Variants in TYW1B observed in about 807,000 individuals in gnomAD.
TYW1B encodes the protein tRNA-yW synthesizing protein 1 homolog B, also known as S-adenosyl-L-methionine-dependent tRNA 4-demethylwyosine synthase TYW1B.
Under a neutral mutation model 86.9 loss-of-function variants are expected in TYW1B, and 73 were observed. The observed-to-expected ratio is 0.84, with a 90% CI of 0.70 to 1.02. TYW1B has a LOEUF of 1.02. TYW1B is among the 50% of genes least tolerant of loss of function. The probability of loss-of-function intolerance (pLI) is 0.00; values close to 1 mark genes in which losing one functional copy is unlikely to be tolerated. For synonymous variants in TYW1B, 248 were observed against 292.8 expected (o/e 0.85, Z 1.56); for missense variants, 637 against 827.4 (o/e 0.77, Z 2.82).
At chr7:72,597,339 C>A (rs1168323646) in intron 13 of TYW1B, among the ~76,000 whole-genome samples, 1 of 151,914 alleles carries the variant, frequency 6.6e-6, no homozygotes, top group African/African-American at 2.4e-5. Flanking sequence ...AAAGTTATGG[C>A]CCCAAATGTC....
At chr7:72,824,305 A>C (rs1788890258) in intron 2 of TYW1B, among the ~76,000 whole-genome samples, 1 of 152,146 alleles carries the variant, frequency 6.6e-6, no homozygotes, top group Non-Finnish European at 1.5e-5. Context: ...GAAAGCACTA[A>C]CTACCTGTGA....
Position 72,749,087 on chromosome 7 carries a change from T to G in TYW1B, c.965-4486A>C, listed in dbSNP as rs562235509. On this transcript the variant is annotated intron_variant, in intron 7 of 13. Transcript: ENST00000620995. The stretch of plus-strand genomic sequence containing the variant: ...ATTTCACTTTGGGGAGGCTTTTAAT[T>G]ACAAAATCAGTTTCTTCAATGATTA... Among the ~76,000 whole-genome samples, 348 of 152,308 alleles carry G rather than the reference T, an allele frequency of 2.3e-3. 2 individuals carry two copies. Among genetic ancestry groups the G allele is most frequent in the Non-Finnish European group, 4.5e-3 (304 of 68,014 alleles).
intron 11 of TYW1B, among the ~76,000 whole-genome samples, chr7:72,651,400 T>G (rs1224781687): frequency 6.6e-6 from 1 of 152,130 alleles, no homozygotes; most frequent in African/African-American, 2.4e-5. Context: ...GGCAGATCAC[T>G]TGAGGTCAGG....
chr7:72,722,843 G>A (rs1554457838), intron 9 of TYW1B: 1 of 551,538 alleles, frequency 1.8e-6, no homozygotes, highest in African/African-American at 2.0e-5. Context: ...AGAAAGCAAA[G>A]GACTCTCCAA....
At chr7:72,785,045 C>T (rs144960591) in intron 6 of TYW1B, among the ~76,000 whole-genome samples, 1,809 of 151,964 alleles carry the variant, frequency 0.012, 61 homozygotes, top group Admixed American at 0.071. Flanking sequence ...AAACATGCCA[C>T]CCCTAACACC....
chr7:72,677,918 T>C (rs1328140010), intron 11 of TYW1B, among the ~76,000 whole-genome samples: 5 of 152,020 alleles, frequency 3.3e-5, no homozygotes, highest in Non-Finnish European at 7.4e-5. Flanking sequence ...TCCAGGCTGG[T>C]CTTGAACTCC....
At chr7:72,766,975 C>T (rs1353775804) in intron 7 of TYW1B, among the ~76,000 whole-genome samples, 1 of 151,930 alleles carries the variant, frequency 6.6e-6, no homozygotes, top group Non-Finnish European at 1.5e-5. Flanking sequence ...ATCAGTCATG[C>T]TTTCTGAAAA....
intron 10 of TYW1B, among the ~76,000 whole-genome samples, chr7:72,702,358 G>GT (rs1353525969): frequency 6.6e-6 from 1 of 152,058 alleles, no homozygotes; most frequent in Non-Finnish European, 1.5e-5. Flanking sequence ...CGGGCTGCTG[G>GT]TTTTTACCGT....
chr7:72,818,845 C>T (rs1284426619), intron 2 of TYW1B, among the ~76,000 whole-genome samples: 4 of 151,974 alleles, frequency 2.6e-5, no homozygotes, highest in African/African-American at 9.7e-5. Context: ...CTCACTGTCA[C>T]GAGGACGGTA....
intron 11 of TYW1B, among the ~76,000 whole-genome samples, chr7:72,635,501 G>A (rs553038630): frequency 2.6e-5 from 4 of 152,186 alleles, no homozygotes; most frequent in East Asian, 1.9e-4. Flanking sequence ...TACAATGCAC[G>A]GGACAGTCTC....
At chr7:72,691,873 T>C (rs1814171255) in intron 11 of TYW1B, among the ~76,000 whole-genome samples, 1 of 152,114 alleles carries the variant, frequency 6.6e-6, no homozygotes, top group African/African-American at 2.4e-5. Context: ...ACACATATAG[T>C]ACTTTACAAA....
At chr7:72,749,555 G>A (rs1422922436) in intron 7 of TYW1B, among the ~76,000 whole-genome samples, 2 of 152,156 alleles carry the variant, frequency 1.3e-5, no homozygotes, top group Non-Finnish European at 2.9e-5. Flanking sequence ...GCCTCCCAAA[G>A]TGCTGGGATT....
chr7:72,777,836 A>G (rs1381396293), intron 6 of TYW1B, among the ~76,000 whole-genome samples: 1 of 152,170 alleles, frequency 6.6e-6, no homozygotes, highest in Non-Finnish European at 1.5e-5. Context: ...GAATCGCTTG[A>G]ACCCGGAAGG....
At chr7:72,768,503 G>A (rs34523541) in intron 7 of TYW1B, among the ~76,000 whole-genome samples, 8,538 of 152,092 alleles carry the variant, frequency 0.056, 560 homozygotes, top group East Asian at 0.33. Context: ...AATCAAACCT[G>A]TAGGCCAGGC....
At chr7:72,648,393 A>C (rs1322732430) in intron 11 of TYW1B, among the ~76,000 whole-genome samples, 4 of 151,994 alleles carry the variant, frequency 2.6e-5, no homozygotes, top group African/African-American at 9.7e-5. Flanking sequence ...AAATACAAAA[A>C]TTAGCTGGAC....
chr7:72,599,166 G>A (rs1811601389), intron 13 of TYW1B, among the ~76,000 whole-genome samples: 1 of 152,104 alleles, frequency 6.6e-6, no homozygotes, highest in South Asian at 2.1e-4. Context: ...ATCCAACAAT[G>A]TATCAAAAGA....
At chr7:72,619,765 A>G (rs1451828644) in intron 12 of TYW1B, among the ~76,000 whole-genome samples, 1 of 152,042 alleles carries the variant, frequency 6.6e-6, no homozygotes, top group East Asian at 1.9e-4. Flanking sequence ...ATAAAAGTGT[A>G]CTCTATCTCA....
chr7:72,596,315 A>AT (rs1811532023), intron 13 of TYW1B, among the ~76,000 whole-genome samples: 2 of 152,056 alleles, frequency 1.3e-5, no homozygotes, highest in Non-Finnish European at 2.9e-5. Flanking sequence ...ATGGATTCTC[A>AT]TGGGACCCTT....
chr7:72,813,440 T>G (rs1788662435), intron 3 of TYW1B, among the ~76,000 whole-genome samples: 1 of 152,200 alleles, frequency 6.6e-6, no homozygotes, highest in African/African-American at 2.4e-5. Context: ...ACTCCCAAAG[T>G]GTTGGGATTA....
Sources: allele counts gnomAD v4.1 joint callset (sites outside exome capture counted in the v4.1 genomes callset), GRCh38; gene constraint gnomAD v4.1.1; transcripts MANE v1.5; gene names NCBI Gene and HGNC (gene_info 2026-07-23, HGNC 2026-07-21).